Variants in STS observed in about 807,000 individuals in gnomAD.
The protein encoded by STS is steroid sulfatase, also known as steryl-sulfatase.
In STS, 7 loss-of-function variants were observed where a neutral mutation model predicts 26.8. The ratio of observed to expected loss-of-function variants is 0.26; its 90% CI spans 0.15 to 0.49. The LOEUF is 0.49. Ranked by LOEUF, STS falls within the 20% of genes least tolerant of loss-of-function variation. The pLI is 0.98. For missense variants in STS, 434 were observed against 465.6 expected (o/e 0.93, Z 0.63); for synonymous variants, 199 against 189.4 (o/e 1.05, Z -0.42).
rs199629079 is a variant in STS, at chrX:7,279,309, ATATGTGTGTGTGTGTG to A, written c.943+3224_943+3239del. ...AAAAAAAAAATATATATATATATAT[ATATGTGTGTGTGTGTG>A]TGTGTGTGTGTGTATGTGTGTGTGT... On this transcript the variant is annotated intron_variant, in intron 7 of 10. Coordinates refer to ENST00000674429, the MANE Select transcript of STS (RefSeq NM_001320752.2). 2.0e-3 allele frequency among the ~76,000 whole-genome samples: 70 copies of A among 34,251 alleles called. 3 individuals are homozygous for A. The highest frequency in any genetic ancestry group is 0.025 in the Middle Eastern group (1 of 40). The allele number at this position is 34,251 out of a possible 115,157, so 29.7% of individuals were successfully genotyped here.
At chrX:7,332,082 C>G (rs1320905411) in intron 9 of STS, among the ~76,000 whole-genome samples, 4 of 110,060 alleles carry the variant, frequency 3.6e-5, no homozygotes, top group Non-Finnish European at 5.7e-5. Context: ...TGATCAATTT[C>G]AGTTATCAAA....
At chrX:7,230,061 A>G (rs1393657572) in intron 2 of STS, among the ~76,000 whole-genome samples, 1 of 109,386 alleles carries the variant, frequency 9.1e-6, no homozygotes, top group African/African-American at 3.3e-5. Context: ...TTATTTATTT[A>G]TTTATTTGTA....
At chrX:7,240,527 G>A (rs1244330784) in intron 2 of STS, among the ~76,000 whole-genome samples, 683 of 35,362 alleles carry the variant, frequency 0.019, 15 homozygotes, top group African/African-American at 0.05. Context: ...GTGTGTGTGT[G>A]TGTGTGTATA....
chrX:7,228,297 T>C (rs1057184041), intron 2 of STS, among the ~76,000 whole-genome samples: 1 of 111,636 alleles, frequency 9.0e-6, no homozygotes, highest in African/African-American at 3.3e-5. Context: ...TCAAGGAAAT[T>C]CTGTACTGTT....
rs766866503 is a variant in STS, at chrX:7,289,213, G to C, written c.943+13126G>C. Among the ~76,000 whole-genome samples, 72 of 111,459 alleles carry C rather than the reference G, an allele frequency of 6.5e-4. 3 individuals are homozygous for C. Among genetic ancestry groups the C allele is most frequent in the Admixed American group, 1.2e-3 (13 of 10,530 alleles). On this transcript the variant is annotated intron_variant, in intron 7 of 10. Transcript: ENST00000674429. ...TGGCTTCTGTAGCCACCATTTCTGGGTGGGGTTTTAGGAGGAGGTGAGGGT... is the reference window on the plus strand; with the variant it reads ...TGGCTTCTGTAGCCACCATTTCTGGCTGGGGTTTTAGGAGGAGGTGAGGGT...
chrX:7,299,309 T>A (rs1925846433), intron 7 of STS, among the ~76,000 whole-genome samples: 1 of 98,575 alleles, frequency 1.0e-5, no homozygotes, highest in Admixed American at 1.2e-4. Flanking sequence ...AAATATATAA[T>A]TATATTAATT....
intron 10 of STS, among the ~76,000 whole-genome samples, chrX:7,348,221 A>G (rs1245489258): frequency 2.7e-5 from 3 of 112,015 alleles, no homozygotes; most frequent in Non-Finnish European, 5.6e-5. Flanking sequence ...GACTTTTACC[A>G]TCACTAACCT....
At chrX:7,206,842 G>C (rs1388770459) in intron 2 of STS, among the ~76,000 whole-genome samples, 1 of 112,268 alleles carries the variant, frequency 8.9e-6, no homozygotes, top group Non-Finnish European at 1.9e-5. Context: ...CAGTTACTTA[G>C]TTTTGGTTTG....
chrX:7,336,216 C>T (rs1483452834), intron 10 of STS, among the ~76,000 whole-genome samples: 2 of 106,209 alleles, frequency 1.9e-5, no homozygotes, highest in African/African-American at 3.4e-5. Context: ...GGCTTTGGAG[C>T]TCTGCTTCTA....
rs138703446 is a variant in STS at position 7,192,069 on chromosome X, A to G, written c.-5+1061A>G. 1.0e-3 allele frequency among the ~76,000 whole-genome samples: 113 copies of G among 112,276 alleles called. 2 individuals carry two copies. In the East Asian group the frequency reaches 0.029, roughly 29 times the overall value. On this transcript the variant is annotated intron_variant, in intron 2 of 10. Coordinates refer to ENST00000674429, the MANE Select transcript of STS (RefSeq NM_001320752.2). The stretch of plus-strand genomic sequence containing the variant: ...GGCACAATATTTGGCCATTCAGAGC[A>G]TTTATGGTCCCCCATAGCAGCTGGC...
chrX:7,349,315 CCTTTTTTTTTTTTTTTTTTTTTTTT>C (rs1928675328), intron 10 of STS, among the ~76,000 whole-genome samples: 2 of 20,285 alleles, frequency 9.9e-5, no homozygotes, highest in South Asian at 3.7e-3. Flanking sequence ...TCATTTAATT[CCTTTTTTTTTTTTTTTTTTTTTTTT>C]TTTTTTTTTT....
chrX:7,207,008 G>C (rs1482080067), intron 2 of STS, among the ~76,000 whole-genome samples: 1 of 111,496 alleles, frequency 9.0e-6, no homozygotes, highest in African/African-American at 3.3e-5. Flanking sequence ...CCATGAGTTG[G>C]AGACCAGCCT....
intron 8 of STS, among the ~76,000 whole-genome samples, chrX:7,324,976 C>A (rs1282073513): frequency 9.0e-6 from 1 of 111,021 alleles, no homozygotes; most frequent in Non-Finnish European, 1.9e-5. Flanking sequence ...CTTGGGGGCA[C>A]CATTATTTTG....
In STS at chrX:7,350,606, G is replaced by T. The variant is rs1928754963; in HGVS notation, c.*345G>T. 4.0e-6 allele frequency: 1 copy of T among 246,949 alleles called. No homozygotes were observed. The highest frequency in any genetic ancestry group is 2.8e-5 in the African/African-American group (1 of 35,926). 20.4% of individuals were successfully genotyped at this position (246,949 alleles called of 1,213,427 possible). A position where few individuals can be genotyped will look rare whatever the true frequency, so the allele number is the denominator to read the frequency against. On this transcript the variant is annotated 3_prime_UTR_variant, in exon 11 of 11. Transcript: ENST00000674429. ...GAAGGCAATCTTAAAACAGAAAGGTGCAGGAGGTACCTTAACTCACCCCTC... is the reference window on the plus strand; with the variant it reads ...GAAGGCAATCTTAAAACAGAAAGGTTCAGGAGGTACCTTAACTCACCCCTC...
chrX:7,274,029 T>C (rs1473460940), intron 6 of STS, among the ~76,000 whole-genome samples: 1 of 110,402 alleles, frequency 9.1e-6, no homozygotes, highest in Non-Finnish European at 1.9e-5. Context: ...GGAAGTAAGT[T>C]TTAGGTTGAG....
intron 9 of STS, among the ~76,000 whole-genome samples, chrX:7,327,198 A>G (rs1827993550): frequency 9.0e-6 from 1 of 110,611 alleles, no homozygotes; most frequent in African/African-American, 3.3e-5. Flanking sequence ...ACTCCTAAAA[A>G]GGTGATAGTG....
intron 7 of STS, among the ~76,000 whole-genome samples, chrX:7,303,872 T>G (rs1926092549): frequency 8.9e-6 from 1 of 111,733 alleles, no homozygotes; most frequent in Non-Finnish European, 1.9e-5. Flanking sequence ...ATAGTACAGT[T>G]AAACCTCCAT....
At chrX:7,174,836 AG>A (rs1259747266) in intron 1 of STS, among the ~76,000 whole-genome samples, 1 of 111,013 alleles carries the variant, frequency 9.0e-6, no homozygotes, top group Non-Finnish European at 1.9e-5. Flanking sequence ...CTCAGTCCTT[AG>A]ATGGGCCCTG....
At chrX:7,157,072 T>A (rs1248852576) in intron 1 of STS, among the ~76,000 whole-genome samples, 1 of 111,794 alleles carries the variant, frequency 8.9e-6, no homozygotes, top group Non-Finnish European at 1.9e-5. Context: ...TGTGCAGTAG[T>A]GGATGATGCA....
Sources: gnomAD v4.1 joint callset for allele counts (sites outside exome capture counted in the v4.1 genomes callset) on GRCh38, gnomAD v4.1.1 for gene constraint, MANE v1.5 for transcripts, NCBI Gene and HGNC (gene_info 2026-07-23, HGNC 2026-07-21) for gene names.